The following SUGT1 variants were observed in gnomAD, a reference collection of about 807,000 sequenced individuals.
The protein encoded by SUGT1 is protein SGT1 homolog.
Under a neutral mutation model 56.1 loss-of-function variants are expected in SUGT1, and 15 were observed. The observed-to-expected ratio is 0.27, with a 90% CI of 0.18 to 0.41. The LOEUF is 0.41. Among genes scored for constraint, SUGT1 ranks in the 10% least tolerant of loss-of-function variants. The probability of loss-of-function intolerance (pLI) is 1.00; values close to 1 mark genes in which losing one functional copy is unlikely to be tolerated. For missense variants in SUGT1, 347 were observed against 382.2 expected (o/e 0.91, Z 0.77); for synonymous variants, 123 against 128.6 (o/e 0.96, Z 0.30).
chr13:52,663,573 A>G (rs936442259), intron 7 of SUGT1, among the ~76,000 whole-genome samples: 5 of 152,158 alleles, frequency 3.3e-5, no homozygotes, highest in South Asian at 2.1e-4. Context: ...GGCTCAAGCA[A>G]TCTTCCCACC....
intron 11 of SUGT1, among the ~76,000 whole-genome samples, chr13:52,678,526 T>C (rs112250669): frequency 1.2e-4 from 19 of 152,170 alleles, no homozygotes; most frequent in Non-Finnish European, 2.6e-4. Flanking sequence ...TGTAGCTCTT[T>C]TGTCCAACAC....
At chr13:52,659,812 ATATTTTTTTTTTTTTTTTTTTTTTT>A (rs1182867273) in intron 5 of SUGT1, among the ~76,000 whole-genome samples, 2 of 38,180 alleles carry the variant, frequency 5.2e-5, no homozygotes, top group Non-Finnish European at 8.4e-5. Flanking sequence ...ATATATATAT[ATATTTTTTTTTTTTTTTTTTTTTTT>A]TTTTTTTTTG....
chr13:52,683,863 T>TAGTC (rs1475192112), intron 12 of SUGT1, among the ~76,000 whole-genome samples: 1 of 152,104 alleles, frequency 6.6e-6, no homozygotes, highest in Non-Finnish European at 1.5e-5. Context: ...AGTGTTTGTA[T>TAGTC]AGTCCCTTAT....
At position 52,659,252 on chromosome 13, in the gene SUGT1, A is replaced by G. The variant is rs747445385; in HGVS notation, c.328+3A>G. ...TACAGAAGGACAAAAATTAGATAGT[A>G]AGTATTAAAAATTATACTTTAATAA... On this transcript the variant is annotated splice_donor_region_variant and intron_variant, in intron 5 of 12. Transcript: ENST00000310528. The G allele has an allele frequency of 1.0e-5, 15 of 1,450,376 alleles. No individual in the cohort carries two copies. Among genetic ancestry groups the G allele is most frequent in the Admixed American group, 2.6e-5 (1 of 37,768 alleles). The allele number at this position is 1,450,376 out of a possible 1,614,324, so 89.8% of individuals were successfully genotyped here.
chr13:52,665,675 C>T lies in SUGT1; in HGVS notation c.461C>T (p.Thr154Ile), dbSNP rs764405625. 3.1e-5 allele frequency: 50 copies of T among 1,604,370 alleles called. No individual in the cohort carries two copies. The highest frequency in any genetic ancestry group is 3.9e-5 in the Non-Finnish European group (46 of 1,176,430). Residue 154 changes from threonine (T) to isoleucine (I), a missense_variant, in exon 9 of 13, where the codon ACA (threonine) becomes ATA (isoleucine). Thr to Ile is a moderately conservative substitution (Grantham distance 89). Coordinates refer to ENST00000310528, the MANE Select transcript of SUGT1 (RefSeq NM_006704.5). ...CAAACAGAATCTCAAGTAGTCATTA[C>T]ACTTATGATCAAGAATGTTCAGAAG... ...WYQTESQVVI[T>I]LMIKNVQKND...
At position 52,658,549 on chromosome 13, in the gene SUGT1, T is replaced by C. The variant is rs1594229733; in HGVS notation, c.257+81T>C. The C allele has an allele frequency of 2.3e-6, 3 of 1,326,240 alleles. No homozygotes were observed. The East Asian group carries it at 7.1e-5, about 31-fold the overall frequency. 82.2% of individuals were successfully genotyped at this position (1,326,240 alleles called of 1,614,324 possible). A position where few individuals can be genotyped will look rare whatever the true frequency, so the allele number is the denominator to read the frequency against. On this transcript the variant is annotated intron_variant, in intron 4 of 12. Transcript: ENST00000310528. ...TGTTGAATGAGTTCATTGCAAGCTT[T>C]ATATAAGTTGTAAAATTCTGTATTT...
intron 5 of SUGT1, among the ~76,000 whole-genome samples, chr13:52,660,968 G>C (rs898953421): frequency 6.6e-6 from 1 of 152,026 alleles, no homozygotes; most frequent in African/African-American, 2.4e-5. Context: ...CACCACACCT[G>C]ACTAATTTTT....
intron 6 of SUGT1, 81 bp downstream of exon 6, chr13:52,662,783 T>A: frequency 7.1e-7 from 1 of 1,411,900 alleles, no homozygotes; most frequent in Non-Finnish European, 9.8e-7. Flanking sequence ...ACAAATTTGT[T>A]TTTATCTTTA....
rs1377619126 is a variant in SUGT1 at position 52,690,103 on chromosome 13, G to T, written c.*2268G>T. ...TTGGGATTTTGCTGGTCTGAAGGGA[G>T]TTTGTAAAACACATGACTGAAAGCA... On this transcript the variant is annotated 3_prime_UTR_variant, in exon 13 of 13. Coordinates refer to ENST00000310528, the MANE Select transcript of SUGT1 (RefSeq NM_006704.5). The T allele has an allele frequency of 1.3e-5, 2 of 152,146 alleles. No homozygotes were observed. Among genetic ancestry groups the T allele is most frequent in the East Asian group, 3.8e-4 (2 of 5,202 alleles). The allele number at this position is 152,146 out of a possible 1,614,324, so 9.4% of individuals were successfully genotyped here. A position where few individuals can be genotyped will look rare whatever the true frequency, so the allele number is the denominator to read the frequency against.
Position 52,665,619 on chromosome 13 carries a change from C to CT in SUGT1, c.423-6dup, listed in dbSNP as rs752817871. 65,049 of 994,778 alleles carry CT rather than the reference C, an allele frequency of 0.065. 3 individuals are homozygous for CT. Among genetic ancestry groups the CT allele is most frequent in the Non-Finnish European group, 0.072 (52,923 of 733,188 alleles). 61.6% of individuals were successfully genotyped at this position (994,778 alleles called of 1,614,324 possible). ...AAAATTAGAAGAGTTACCTAAGTTT[C>CT]TTTTTTTTTTTTAATAGGTATGACT... is the stretch of plus-strand genomic sequence containing the variant. On this transcript the variant is annotated splice_polypyrimidine_tract_variant and intron_variant, in intron 8 of 12. Transcript: ENST00000310528.
chr13:52,681,233 T>G (rs1470739476), intron 12 of SUGT1, among the ~76,000 whole-genome samples: 3 of 145,868 alleles, frequency 2.1e-5, no homozygotes, highest in Admixed American at 6.9e-5. Flanking sequence ...CTGGGCAACA[T>G]AGAGAGACCC....
At chr13:52,687,570 T>TC (rs1963645603) in intron 12 of SUGT1, 164 bp from the exon 13 acceptor site, 3 of 378,222 alleles carry the variant, frequency 7.9e-6, no homozygotes, top group Non-Finnish European at 1.4e-5. Context: ...TATTGAGCTA[T>TC]ATATTTTATC....
rs1963865284 is a variant in SUGT1, at chr13:52,694,415, A to G, written c.*6580A>G. 2 of 152,218 alleles carry G rather than the reference A, an allele frequency of 1.3e-5. No homozygotes were observed. Among genetic ancestry groups the G allele is most frequent in the Admixed American group, 1.3e-4 (2 of 15,284 alleles). The allele number at this position is 152,218 out of a possible 1,614,324, so 9.4% of individuals were successfully genotyped here. A position where few individuals can be genotyped will look rare whatever the true frequency, so the allele number is the denominator to read the frequency against. On this transcript the variant is annotated 3_prime_UTR_variant, in exon 13 of 13. Transcript: ENST00000310528. ...CATAAGAATTCATGAAAAGTTTTTA[A>G]TAATTTTACTTAAACAGAGCTTAAT...
At chr13:52,656,457 A>T (rs1490893803) in intron 2 of SUGT1, among the ~76,000 whole-genome samples, 3 of 152,300 alleles carry the variant, frequency 2.0e-5, no homozygotes, top group Non-Finnish European at 4.4e-5. Context: ...TAATGTATTT[A>T]CCATACTGCA....
In SUGT1 at chr13:52,695,863, C is replaced by T. The variant is rs1029014267; in HGVS notation, c.*8028C>T. ...CATTCCTTTTTCTGCCCCTCCTGGG[C>T]ATCTCCAGTTTCCTACTGATGTGTC... is the stretch of plus-strand genomic sequence containing the variant. On this transcript the variant is annotated 3_prime_UTR_variant, in exon 13 of 13. Transcript: ENST00000310528. The T allele has an allele frequency of 3.3e-5, 5 of 152,246 alleles. No individual in the cohort carries two copies. The highest frequency in any genetic ancestry group is 7.3e-5 in the Non-Finnish European group (5 of 68,054). 9.4% of individuals were successfully genotyped at this position (152,246 alleles called of 1,614,324 possible).
chr13:52,657,679 C>G (rs1962233878), intron 3 of SUGT1, 57 bp downstream of exon 3: 1 of 1,473,732 alleles, frequency 6.8e-7, no homozygotes, highest in Admixed American at 2.1e-5. Flanking sequence ...ATACATTTTA[C>G]CCATGACAAA....
intron 5 of SUGT1, among the ~76,000 whole-genome samples, chr13:52,661,302 T>TTTTG (rs754465019): frequency 5.9e-5 from 9 of 152,074 alleles, no homozygotes; most frequent in Non-Finnish European, 8.8e-5. Context: ...TTTTTTTTGT[T>TTTTG]TTTGTTTGTT....
intron 12 of SUGT1, among the ~76,000 whole-genome samples, chr13:52,686,283 G>A (rs1566200301): frequency 6.6e-6 from 1 of 152,124 alleles, no homozygotes. Flanking sequence ...TTTATTTAAA[G>A]CCCACTGTGT....
At position 52,676,336 on chromosome 13, in the gene SUGT1, T is replaced by C. The variant is rs1963142645; in HGVS notation, c.718+16T>C. The C allele has an allele frequency of 6.3e-7, 1 of 1,596,366 alleles. No homozygotes were observed. Among genetic ancestry groups the C allele is most frequent in the African/African-American group, 1.3e-5 (1 of 74,200 alleles). On this transcript the variant is annotated intron_variant, in intron 11 of 12. Transcript: ENST00000310528. ...TTCGTAGCAGGTTTGTTTTCTGGCC[T>C]TGATGAGCTTTATATTCATATTGTG...
Sources: allele counts gnomAD v4.1 joint callset (sites outside exome capture counted in the v4.1 genomes callset), GRCh38; gene constraint gnomAD v4.1.1; transcripts MANE v1.5; gene names NCBI Gene and HGNC (gene_info 2026-07-23, HGNC 2026-07-21).